Variants in SH3BGRL observed in about 807,000 individuals in gnomAD.
The protein encoded by SH3BGRL is SH3 domain binding glutamate rich protein like, also known as adapter SH3BGRL.
A neutral mutation model predicts 9.8 loss-of-function variants in SH3BGRL; 7 were observed. The observed-to-expected ratio is 0.72, with a 90% CI of 0.41 to 1.35. The LOEUF is 1.35. SH3BGRL is among the 40% of genes most tolerant of loss of function. The pLI, the probability that SH3BGRL is intolerant of heterozygous loss-of-function variation, is 0.01. For synonymous variants in SH3BGRL, 36 were observed against 29.1 expected (o/e 1.24, Z -0.76); for missense variants, 73 against 84.4 (o/e 0.86, Z 0.53).
chrX:81,202,345 C>T, intron 1 of SH3BGRL, 100 bp downstream of exon 1: 1 of 1,012,941 alleles, frequency 9.9e-7, no homozygotes. Flanking sequence ...GCAGCTTCTC[C>T]TTTGGAAGAC....
chrX:81,226,542 A>C (rs1399790038), intron 1 of SH3BGRL, among the ~76,000 whole-genome samples: 27 of 103,078 alleles, frequency 2.6e-4, no homozygotes, highest in East Asian at 2.3e-3. Context: ...CTCTCTATAT[A>C]TATATATATA....
chrX:81,257,306 T>A (rs1343188381), intron 1 of SH3BGRL, among the ~76,000 whole-genome samples: 1 of 112,396 alleles, frequency 8.9e-6, no homozygotes, highest in East Asian at 2.8e-4. Context: ...GTCACACAGA[T>A]AAATGGAGGA....
At chrX:81,235,571 G>T (rs1297444000) in intron 1 of SH3BGRL, among the ~76,000 whole-genome samples, 3 of 111,395 alleles carry the variant, frequency 2.7e-5, no homozygotes, top group Non-Finnish European at 5.7e-5. Flanking sequence ...CCTCTACCCA[G>T]AGTAGTGTTT....
At chrX:81,236,633 C>T (rs781766649) in intron 1 of SH3BGRL, among the ~76,000 whole-genome samples, 1 of 111,521 alleles carries the variant, frequency 9.0e-6, no homozygotes, top group South Asian at 3.8e-4. Context: ...CATCAAGTAG[C>T]TATATATAAC....
intron 1 of SH3BGRL, among the ~76,000 whole-genome samples, chrX:81,251,659 C>T (rs1215867597): frequency 1.8e-5 from 2 of 111,674 alleles, no homozygotes; most frequent in Non-Finnish European, 3.8e-5. Context: ...GTATAATTCT[C>T]ACATATATTT....
chrX:81,236,537 T>C lies in SH3BGRL; in HGVS notation c.45+34292T>C, dbSNP rs2075648481. On this transcript the variant is annotated intron_variant, in intron 1 of 3. Transcript: ENST00000373212. ...GGGTGACTGTTTAAAATTTTATTCA[T>C]GGGTGCTCTAGACTTATTAAATTTG... Among the ~76,000 whole-genome samples, 2 of 111,636 alleles carry C rather than the reference T, an allele frequency of 1.8e-5. 1 individual carries two copies. Among genetic ancestry groups the C allele is most frequent in the South Asian group, 7.5e-4 (2 of 2,656 alleles).
At chrX:81,272,103 G>A (rs868580988) in intron 1 of SH3BGRL, among the ~76,000 whole-genome samples, 1 of 108,439 alleles carries the variant, frequency 9.2e-6, no homozygotes, top group African/African-American at 3.4e-5. Flanking sequence ...AGGCTGAGGT[G>A]GGAGAATGGC....
At chrX:81,246,277 T>C (rs1257330054) in intron 1 of SH3BGRL, among the ~76,000 whole-genome samples, 1 of 112,208 alleles carries the variant, frequency 8.9e-6, no homozygotes, top group African/African-American at 3.2e-5. Context: ...CTGTTTACTC[T>C]GGCAGTAGTT....
intron 1 of SH3BGRL, among the ~76,000 whole-genome samples, chrX:81,263,890 C>G (rs1029615336): frequency 9.2e-6 from 1 of 108,700 alleles, no homozygotes; most frequent in Non-Finnish European, 1.9e-5. Flanking sequence ...TTTGCCCACT[C>G]AAAACTATTA....
chrX:81,214,391 GTTAAAATAAAATGATA>G (rs1295966561), intron 1 of SH3BGRL, among the ~76,000 whole-genome samples: 1 of 111,410 alleles, frequency 9.0e-6, no homozygotes, highest in Non-Finnish European at 1.9e-5. Flanking sequence ...CCTGAAAATA[GTTAAAATAAAATGATA>G]TTATTCCAGC....
In SH3BGRL at chrX:81,242,156, A is replaced by G. The variant is rs142788115; in HGVS notation, c.46-34828A>G. Among the ~76,000 whole-genome samples the G allele has an allele frequency of 8.0e-5, 9 of 112,425 alleles. No homozygotes were observed. The East Asian group carries it at 1.4e-3, about 18-fold the overall frequency. ...AAAATGACACCCCAAGAATCCCATG[A>G]CAAAATTATACTACAGAGCTATAAT... On this transcript the variant is annotated intron_variant, in intron 1 of 3. Transcript: ENST00000373212.
Position 81,297,179 on chromosome X carries a change from T to C in SH3BGRL, c.313-16T>C, listed in dbSNP as rs763755401. ...TGATGTTTAAACTTATCTGTTTTGT[T>C]TGTTTTTCATTTCAGGAAGCAGAAG... On this transcript the variant is annotated splice_polypyrimidine_tract_variant and intron_variant, in intron 3 of 3. Coordinates refer to ENST00000373212, the MANE Select transcript of SH3BGRL (RefSeq NM_003022.3). 2.5e-6 allele frequency: 3 copies of C among 1,204,367 alleles called. No individual in the cohort carries two copies. The highest frequency in any genetic ancestry group is 3.4e-6 in the Non-Finnish European group (3 of 889,578).
At chrX:81,252,921 T>C (rs895429122) in intron 1 of SH3BGRL, among the ~76,000 whole-genome samples, 1 of 112,673 alleles carries the variant, frequency 8.9e-6, no homozygotes, top group African/African-American at 3.2e-5. Context: ...AAAAAAGCAG[T>C]TCTGCTTACA....
At chrX:81,227,494 C>T (rs1176607433) in intron 1 of SH3BGRL, among the ~76,000 whole-genome samples, 3 of 111,504 alleles carry the variant, frequency 2.7e-5, no homozygotes, top group African/African-American at 9.8e-5. Context: ...CAAGTCTGTG[C>T]GAAGAATGTG....
intron 1 of SH3BGRL, among the ~76,000 whole-genome samples, chrX:81,240,687 A>G (rs1005238379): frequency 2.0e-4 from 23 of 112,848 alleles, no homozygotes; most frequent in Non-Finnish European, 4.1e-4. Context: ...CATAGAAACA[A>G]CAATCTGTAC....
At chrX:81,254,119 T>G (rs1374998578) in intron 1 of SH3BGRL, among the ~76,000 whole-genome samples, 2 of 112,266 alleles carry the variant, frequency 1.8e-5, no homozygotes, top group Non-Finnish European at 3.8e-5. Flanking sequence ...TTCTTATTTC[T>G]GGACATACTG....
intron 1 of SH3BGRL, among the ~76,000 whole-genome samples, chrX:81,273,496 C>G (rs2075787817): frequency 2.7e-5 from 3 of 111,959 alleles, no homozygotes; most frequent in African/African-American, 6.5e-5. Context: ...TTAAGAGACA[C>G]TCAAGAAATA....
chrX:81,289,472 A>G (rs1283704079), intron 3 of SH3BGRL, among the ~76,000 whole-genome samples: 2 of 108,641 alleles, frequency 1.8e-5, no homozygotes, highest in Admixed American at 9.8e-5. Context: ...ACAATAAACA[A>G]AGTGAAGAGA....
At position 81,212,443 on chromosome X, in the gene SH3BGRL, A is replaced by G. The variant is rs148906013; in HGVS notation, c.45+10198A>G. 3.1e-3 allele frequency among the ~76,000 whole-genome samples: 349 copies of G among 111,072 alleles called. 3 individuals are homozygous for G. Among genetic ancestry groups the G allele is most frequent in the African/African-American group, 0.01 (317 of 30,572 alleles). ...ACTCGACTTTGAATTCATGCTTTGA[A>G]TTCATTCTTTTTTTTTGAAAAAGAG... On this transcript the variant is annotated intron_variant, in intron 1 of 3. Coordinates refer to ENST00000373212, the MANE Select transcript of SH3BGRL (RefSeq NM_003022.3).
Sources: gnomAD v4.1 joint callset for allele counts (sites outside exome capture counted in the v4.1 genomes callset) on GRCh38, gnomAD v4.1.1 for gene constraint, MANE v1.5 for transcripts, NCBI Gene and HGNC (gene_info 2026-07-23, HGNC 2026-07-21) for gene names.